Variants in DPH6 observed in about 807,000 individuals in gnomAD.
The protein encoded by DPH6 is diphthamine biosynthesis 6.
In DPH6, 33 loss-of-function variants were observed where a neutral mutation model predicts 38.2. The ratio of observed to expected loss-of-function variants is 0.86; its 90% CI spans 0.65 to 1.15. DPH6 has a LOEUF of 1.15. DPH6 is among the 50% of genes most tolerant of loss of function. DPH6 has a pLI of 0.00. For synonymous variants in DPH6, 108 were observed against 103.0 expected, an observed-to-expected ratio of 1.05 and a Z score of -0.30; for missense variants, 325 against 320.0, an observed-to-expected ratio of 1.02 and a Z score of -0.12.
chr15:35,392,466 C>G (rs2053073158), intron 6 of DPH6, among the ~76,000 whole-genome samples: 2 of 150,006 alleles, frequency 1.3e-5, no homozygotes, highest in Non-Finnish European at 3.0e-5. Flanking sequence ...CTAGAGGAAA[C>G]AATGAGGTTT....
chr15:35,352,552 T>C (rs2339831), intron 3 of DPH6, among the ~76,000 whole-genome samples: 46,109 of 152,090 alleles, frequency 0.3, 7,706 homozygotes, highest in African/African-American at 0.44. Context: ...GTCCTTGCGA[T>C]AGTTTGCTGA....
Position 35,299,900 on chromosome 15 carries a change from T to A in DPH6, n.200+73621A>T, listed in dbSNP as rs568793193. ...TGCATGTTCAGCTCCTAGAATATAG[T>A]TCTAGGGCTCAACACAATCAAACAT... On this transcript the variant is annotated intron_variant and non_coding_transcript_variant, in intron 3 of 3. Transcript: ENST00000560386. 2.0e-4 allele frequency among the ~76,000 whole-genome samples: 31 copies of A among 152,296 alleles called. No homozygotes were observed. In the East Asian group the frequency reaches 5.8e-3, roughly 28 times the overall value.
chr15:35,459,454 A>G (rs2054036006), intron 3 of DPH6, among the ~76,000 whole-genome samples: 1 of 152,170 alleles, frequency 6.6e-6, no homozygotes, highest in African/African-American at 2.4e-5. Flanking sequence ...ATACCATCAC[A>G]TGTGAGGCTA....
chr15:35,506,309 T>C (rs1390657046), intron 3 of DPH6, among the ~76,000 whole-genome samples: 1 of 152,170 alleles, frequency 6.6e-6, no homozygotes, highest in Non-Finnish European at 1.5e-5. Context: ...CTTTCCTGCA[T>C]TAACAAGAGG....
intron 6 of DPH6, among the ~76,000 whole-genome samples, chr15:35,409,445 T>C (rs1257087101): frequency 6.6e-6 from 1 of 151,988 alleles, no homozygotes; most frequent in Non-Finnish European, 1.5e-5. Context: ...TGTTTAAACA[T>C]CCTATGATAA....
At chr15:35,337,432 TG>T (rs1465284009) in intron 3 of DPH6, among the ~76,000 whole-genome samples, 16 of 152,276 alleles carry the variant, frequency 1.1e-4, no homozygotes, top group African/African-American at 3.4e-4. Context: ...CCATTCACAA[TG>T]GCTTCAAAGA....
At chr15:35,506,236 G>A (rs1472061765) in intron 3 of DPH6, among the ~76,000 whole-genome samples, 1 of 151,786 alleles carries the variant, frequency 6.6e-6, no homozygotes, top group Admixed American at 6.6e-5. Flanking sequence ...ATAAACAAAA[G>A]CAAATCTCTA....
rs531232821 is a variant in DPH6, at chr15:35,375,151, A to G, written c.663-1543T>C. On this transcript the variant is annotated intron_variant, in intron 7 of 8. Transcript: ENST00000256538. ...CCTGAACTAATACTATCTCAGTAGA[A>G]AGGGTTTTAGGTCCTCCCTTCTCAT... is the stretch of plus-strand genomic sequence containing the variant. Among the ~76,000 whole-genome samples the G allele has an allele frequency of 1.7e-3, 259 of 152,158 alleles. 1 individual carries two copies. The highest frequency in any genetic ancestry group is 6.1e-3 in the African/African-American group (253 of 41,548).
intron 5 of DPH6, among the ~76,000 whole-genome samples, chr15:35,449,668 C>A (rs1053604467): frequency 7.4e-4 from 23 of 30,948 alleles, no homozygotes; most frequent in African/African-American, 9.7e-4. Context: ...AGCTGCTCAG[C>A]AACCTTTTCT....
the DPH6 span, among the ~76,000 whole-genome samples, chr15:35,168,558 G>A: frequency 4.6e-5 from 7 of 152,062 alleles, no homozygotes; most frequent in African/African-American, 1.7e-4. Context: ...ATCCAAGGAT[G>A]AATGAATAAA....
intron 3 of DPH6, chr15:35,519,964 T>C (rs1345857732): frequency 6.6e-6 from 1 of 151,920 alleles, no homozygotes; most frequent in East Asian, 1.9e-4. Flanking sequence ...GCATTTCCCT[T>C]TGTAGTGCTT....
chr15:35,320,599 A>G (rs2052232110), intron 3 of DPH6, among the ~76,000 whole-genome samples: 1 of 152,154 alleles, frequency 6.6e-6, no homozygotes, highest in East Asian at 1.9e-4. Flanking sequence ...GACACAGCCT[A>G]TTCCTTCTAG....
At chr15:35,489,979 T>C (rs970688749) in intron 3 of DPH6, 16 of 984,736 alleles carry the variant, frequency 1.6e-5, no homozygotes, top group Non-Finnish European at 1.9e-5. Context: ...CTATTTAATA[T>C]GCATAAGCCC....
intron 3 of DPH6, among the ~76,000 whole-genome samples, chr15:35,262,373 C>T (rs1385687301): frequency 6.6e-6 from 1 of 151,972 alleles, no homozygotes; most frequent in Non-Finnish European, 1.5e-5. Context: ...ACTAATTTGC[C>T]ATAAGTCTTT....
At chr15:35,349,269 A>C (rs932598873) in intron 3 of DPH6, among the ~76,000 whole-genome samples, 1 of 152,272 alleles carries the variant, frequency 6.6e-6, no homozygotes, top group East Asian at 1.9e-4. Flanking sequence ...TTCACTTGTT[A>C]CTGAGAAAAA....
At chr15:35,242,448 A>G (rs2140402316) in intron 3 of DPH6, among the ~76,000 whole-genome samples, 1 of 143,296 alleles carries the variant, frequency 7.0e-6, no homozygotes, top group East Asian at 2.2e-4. Context: ...TAATACTTTT[A>G]GAGGCCTTTC....
the DPH6 span, among the ~76,000 whole-genome samples, chr15:35,192,182 T>C: frequency 1.3e-5 from 2 of 152,304 alleles, no homozygotes; most frequent in Middle Eastern, 3.4e-3. Context: ...TTTTTTATTG[T>C]AGTGCAAAAT....
chr15:35,524,529 T>C (rs2054970313), intron 3 of DPH6, among the ~76,000 whole-genome samples: 1 of 152,200 alleles, frequency 6.6e-6, no homozygotes, highest in Non-Finnish European at 1.5e-5. Flanking sequence ...AATATCTGCA[T>C]GAATTAACAC....
At chr15:35,190,233 T>C in the DPH6 span, among the ~76,000 whole-genome samples, 5 of 152,234 alleles carry the variant, frequency 3.3e-5, no homozygotes, top group East Asian at 7.7e-4. Context: ...CCTTGCCCGC[T>C]GCCTAGACAG....
Sources: gnomAD v4.1 joint callset for allele counts (sites outside exome capture counted in the v4.1 genomes callset) on GRCh38, gnomAD v4.1.1 for gene constraint, MANE v1.5 for transcripts, NCBI Gene and HGNC (gene_info 2026-07-23, HGNC 2026-07-21) for gene names.